Variants in POTEG observed in about 807,000 individuals in gnomAD.
POTEG encodes POTE ankyrin domain family member G.
Under a neutral mutation model 49.6 loss-of-function variants are expected in POTEG, and 2 were observed. That is an observed-to-expected ratio of 0.04 (90% CI 0.02 to 0.13). The LOEUF (loss-of-function observed/expected upper bound fraction) is 0.13. Ranked by LOEUF, POTEG falls within the 10% of genes least tolerant of loss-of-function variation. The pLI is 1.00. For synonymous variants in POTEG, 7 were observed against 186.6 expected (o/e 0.04, Z 7.84); for missense variants, 26 against 545.2 (o/e 0.05, Z 9.48).
intron 1 of POTEG, among the ~76,000 whole-genome samples, chr14:19,432,404 A>G (rs1172499122): frequency 3.6e-5 from 1 of 28,128 alleles, no homozygotes; most frequent in African/African-American, 9.3e-5. Flanking sequence ...ATATATATAT[A>G]CACACACATG....
At chr14:19,431,505 A>G in intron 1 of POTEG, among the ~76,000 whole-genome samples, 1 of 149,294 alleles carries the variant, frequency 6.7e-6, no homozygotes, top group Non-Finnish European at 1.5e-5. Flanking sequence ...TGCCTGTTTG[A>G]AAAGCTGCAG....
At chr14:19,416,019 T>C (rs1327442412) in intron 7 of POTEG, among the ~76,000 whole-genome samples, 1 of 147,460 alleles carries the variant, frequency 6.8e-6, no homozygotes. Context: ...TAAGATTTTG[T>C]ATTTTTAGTA....
intron 7 of POTEG, among the ~76,000 whole-genome samples, chr14:19,414,955 C>T (rs1175378055): frequency 1.4e-5 from 2 of 138,108 alleles, no homozygotes; most frequent in Non-Finnish European, 3.3e-5. Context: ...AATGAATCAG[C>T]AGATCATTTG....
At chr14:19,433,349 C>T (rs1402442546) in intron 1 of POTEG, among the ~76,000 whole-genome samples, 1 of 111,492 alleles carries the variant, frequency 9.0e-6, no homozygotes, top group Non-Finnish European at 1.9e-5. Flanking sequence ...ACATAGTGTA[C>T]ATTGATATAA....
At chr14:19,432,348 A>C (rs1424860875) in intron 1 of POTEG, among the ~76,000 whole-genome samples, 1 of 102,678 alleles carries the variant, frequency 9.7e-6, no homozygotes, top group African/African-American at 3.5e-5. Context: ...ACTCCATCAA[A>C]AAAAAAAAAG....
At chr14:19,418,921 AT>A (rs1441788377) in intron 6 of POTEG, among the ~76,000 whole-genome samples, 4 of 67,546 alleles carry the variant, frequency 5.9e-5, no homozygotes, top group African/African-American at 1.5e-4. Context: ...AATGGCTTTT[AT>A]TAAAAAAAAA....
intron 1 of POTEG, among the ~76,000 whole-genome samples, chr14:19,432,507 G>T (rs28433636): frequency 1.8e-3 from 129 of 70,258 alleles, no homozygotes; most frequent in East Asian, 9.8e-3. Flanking sequence ...TATGTAAATA[G>T]GCACTTGTGT....
chr14:19,415,829 A>ATATTCTTTTTTTTTT (rs1491555758), intron 7 of POTEG, among the ~76,000 whole-genome samples: 2 of 96,700 alleles, frequency 2.1e-5, no homozygotes, highest in African/African-American at 4.5e-5. Context: ...ATCTATTAAA[A>ATATTCTTTTTTTTTT]TTTTTTTTTT....
chr14:19,432,366 G>GTATATATATATA (rs58599371), intron 1 of POTEG, among the ~76,000 whole-genome samples: 8 of 37,868 alleles, frequency 2.1e-4, no homozygotes, highest in African/African-American at 4.8e-4. Flanking sequence ...AAGAAATTTT[G>GTATATATATATA]TATATATATA....
At chr14:19,432,806 T>G (rs1884215169) in intron 1 of POTEG, among the ~76,000 whole-genome samples, 2 of 97,566 alleles carry the variant, frequency 2.0e-5, no homozygotes, top group Non-Finnish European at 4.1e-5. Context: ...CAAGCCTTTG[T>G]CCATTCTGCT....
At chr14:19,415,829 ATTTTTTTTTTTTTT>A (rs58833974) in intron 7 of POTEG, among the ~76,000 whole-genome samples, 135 of 96,774 alleles carry the variant, frequency 1.4e-3, no homozygotes, top group East Asian at 9.8e-3. Flanking sequence ...ATCTATTAAA[ATTTTTTTTTTTTTT>A]TTTTTTTTTT....
chr14:19,423,689 C>CT lies in POTEG; in HGVS notation c.1055+475dup, dbSNP rs1158084425. 3.8e-5 allele frequency: 6 copies of CT among 158,030 alleles called. No individual in the cohort carries two copies. In the East Asian group the frequency reaches 5.0e-4, roughly 13 times the overall value. The allele number at this position is 158,030 out of a possible 1,614,324, so 9.8% of individuals were successfully genotyped here. A position where few individuals can be genotyped will look rare whatever the true frequency, so the allele number is the denominator to read the frequency against. Reference sequence around the variant, plus strand: ...GAAACAACAGAATGATTGCAATGTCCTTTTTTTTCTCCTCCTTCTGACTTG... The same window carrying CT: ...GAAACAACAGAATGATTGCAATGTCCTTTTTTTTTCTCCTCCTTCTGACTTG... On this transcript the variant is annotated intron_variant, in intron 5 of 10. Coordinates refer to ENST00000547848, the MANE Select transcript of POTEG (RefSeq NM_001005356.3).
intron 1 of POTEG, among the ~76,000 whole-genome samples, chr14:19,432,188 A>G (rs2139182178): frequency 1.8e-5 from 1 of 54,304 alleles, no homozygotes; most frequent in South Asian, 7.3e-4. Flanking sequence ...CTCTACTAAA[A>G]ATACAAAACA....
At chr14:19,415,272 G>A (rs1268299140) in intron 7 of POTEG, among the ~76,000 whole-genome samples, 1 of 141,522 alleles carries the variant, frequency 7.1e-6, no homozygotes, top group African/African-American at 2.5e-5. Context: ...CTGATTTTCT[G>A]CAACTGAAAT....
intron 7 of POTEG, among the ~76,000 whole-genome samples, chr14:19,415,307 GCACTAA>G (rs1167593076): frequency 1.4e-4 from 20 of 142,772 alleles, no homozygotes; most frequent in African/African-American, 4.7e-4. Flanking sequence ...TTGTGTTTGT[GCACTAA>G]CACCAAAGGT....
intron 7 of POTEG, among the ~76,000 whole-genome samples, chr14:19,415,594 T>G (rs1883524045): frequency 1.3e-5 from 2 of 149,474 alleles, no homozygotes; most frequent in South Asian, 4.2e-4. Context: ...CATGTTAGGG[T>G]GTTGTAAAAA....
intron 7 of POTEG, among the ~76,000 whole-genome samples, chr14:19,414,851 G>A (rs1202745219): frequency 3.7e-4 from 50 of 135,466 alleles, no homozygotes; most frequent in African/African-American, 1.2e-3. Flanking sequence ...ATTCACCTTA[G>A]CCAAAGGGAG....
intron 4 of POTEG, 147 bp from the exon 5 acceptor site, chr14:19,424,449 A>G (rs1327162970): frequency 9.9e-5 from 40 of 405,070 alleles, no homozygotes; most frequent in Non-Finnish European, 1.4e-4. Flanking sequence ...TCAAGTGTTC[A>G]TATTTGTAAA....
At chr14:19,432,418 ATATATGTATATACG>A (rs1884187586) in intron 1 of POTEG, among the ~76,000 whole-genome samples, 1 of 92,894 alleles carries the variant, frequency 1.1e-5, no homozygotes, top group African/African-American at 4.1e-5. Context: ...ACACATGTAT[ATATATGTATATACG>A]TATATATATA....
Sources: allele counts gnomAD v4.1 joint callset (sites outside exome capture counted in the v4.1 genomes callset), GRCh38; gene constraint gnomAD v4.1.1; transcripts MANE v1.5; gene names NCBI Gene and HGNC (gene_info 2026-07-23, HGNC 2026-07-21).